The following SYF2 variants were observed in gnomAD, a reference collection of about 807,000 sequenced individuals.
SYF2 encodes the protein pre-mRNA-splicing factor SYF2.
SYF2 carries 21 observed loss-of-function variants against 32.7 expected under a neutral mutation model. The ratio of observed to expected loss-of-function variants is 0.64; its 90% confidence interval spans 0.45 to 0.92. The LOEUF (loss-of-function observed/expected upper bound fraction) is 0.92. SYF2 is among the 40% of genes least tolerant of loss of function. SYF2 has a pLI of 0.00. For missense variants in SYF2, 278 were observed against 296.5 expected (o/e 0.94, Z 0.46); for synonymous variants, 114 against 103.9 (o/e 1.10, Z -0.59).
rs746499395 is a variant in SYF2, at chr1:25,227,454, A to G, written c.455T>C (p.Leu152Pro). ...AAAAAGGACTTACTGTTTTTCTCTC[A>G]GTCTCTCATATGTTTCCATGTCAGG... ...IKPDMETYER[L>P]REKHGEEFFP... The change falls in exon 5 of 7, where the codon CTG becomes CCG. Residue 152 changes from leucine (L) to proline (P), a missense_variant. Transcript: ENST00000236273. 1.2e-6 allele frequency: 2 copies of G among 1,613,496 alleles called. No homozygotes were observed. Among genetic ancestry groups the G allele is most frequent in the Non-Finnish European group, 1.7e-6 (2 of 1,179,794 alleles).
At chr1:25,231,659 C>T (rs1638632370) in intron 2 of SYF2, 1 of 169,870 alleles carries the variant, frequency 5.9e-6, no homozygotes, top group African/African-American at 2.4e-5. Flanking sequence ...CCCCAGAAGT[C>T]CCAAAAACAG....
chr1:25,223,430 T>C lies in SYF2; in HGVS notation c.568A>G (p.Ile190Val), dbSNP rs1259148573. 6.3e-7 allele frequency: 1 copy of C among 1,598,820 alleles called. No homozygotes were observed. Among genetic ancestry groups the C allele is most frequent in the Non-Finnish European group, 8.5e-7 (1 of 1,174,796 alleles). ...CGGCTATATTTGTCTCGTTTTTCAA[T>C]CCTGGGGAAAGAAGAAAATTTACAA... ...DRMVIDLEKQ[I>V]EKRDKYSRRR... The change falls in exon 7 of 7, where the codon ATT becomes GTT. Residue 190 changes from isoleucine (I) to valine (V), a missense_variant and splice_region_variant. Transcript: ENST00000236273.
intron 5 of SYF2, among the ~76,000 whole-genome samples, chr1:25,226,761 G>C (rs61777574): frequency 2.5e-4 from 38 of 152,306 alleles, no homozygotes; most frequent in Non-Finnish European, 4.9e-4. Flanking sequence ...AAGGATGGAG[G>C]ATCACTTGAG....
Position 25,224,478 on chromosome 1 carries a change from A to G in SYF2, c.566+524T>C, listed in dbSNP as rs574583146. On this transcript the variant is annotated intron_variant, in intron 6 of 6. Coordinates refer to ENST00000236273, the MANE Select transcript of SYF2 (RefSeq NM_015484.5). The stretch of plus-strand genomic sequence containing the variant: ...TTGCCATGTTGCCCAGGCTGTTCTC[A>G]AAGTCCTGGGCTCAAGCAATCCTTC... Among the ~76,000 whole-genome samples the G allele has an allele frequency of 2.0e-5, 3 of 152,214 alleles. No individual in the cohort carries two copies. The South Asian group carries it at 6.2e-4, about 32-fold the overall frequency.
chr1:25,228,495 C>T (rs1031757144), intron 3 of SYF2, among the ~76,000 whole-genome samples: 1 of 152,064 alleles, frequency 6.6e-6, no homozygotes, highest in Admixed American at 6.6e-5. Flanking sequence ...CCACCATGCC[C>T]GGCTAATTTT....
chr1:25,226,287 C>G (rs939014770), intron 5 of SYF2, among the ~76,000 whole-genome samples: 2 of 152,236 alleles, frequency 1.3e-5, no homozygotes, highest in African/African-American at 4.8e-5. Flanking sequence ...TCAGAGGTCA[C>G]AAAGTGCTAG....
chr1:25,224,389 A>G (rs554647359), intron 6 of SYF2, among the ~76,000 whole-genome samples: 1 of 152,110 alleles, frequency 6.6e-6, no homozygotes, highest in South Asian at 2.1e-4. Flanking sequence ...CCAAGTAGCT[A>G]GGACTACAGG....
At chr1:25,231,369 G>A (rs1006143092) in intron 2 of SYF2, 35 of 152,204 alleles carry the variant, frequency 2.3e-4, no homozygotes, top group African/African-American at 7.7e-4. Flanking sequence ...CAAGCTATTT[G>A]CTGGACTCTT....
intron 2 of SYF2, 66 bp downstream of exon 2, chr1:25,232,038 C>T (rs1445792023): frequency 1.3e-6 from 2 of 1,495,040 alleles, no homozygotes; most frequent in African/African-American, 1.4e-5. Flanking sequence ...GCTTCCTCGT[C>T]CCCTCTACAA....
rs1213393478 is a variant in SYF2 at position 25,227,517 on chromosome 1, T to C, written c.392A>G (p.Gln131Arg). The C allele has an allele frequency of 6.2e-7, 1 of 1,613,684 alleles. No individual in the cohort carries two copies. Among genetic ancestry groups the C allele is most frequent in the African/African-American group, 1.3e-5 (1 of 75,018 alleles). ...GGTCAACCGATGATACTGGCGTAAC[T>C]GGGCAGCAGCATAATCTAAAAATAT... ...DLGFSDYAAA[Q>R]LRQYHRLTKQ... The change falls in exon 5 of 7, where the codon CAG (glutamine) becomes CGG (arginine). Residue 131 changes from glutamine to arginine, a missense_variant. Gln to Arg is a conservative substitution (Grantham distance 43). Transcript: ENST00000236273.
intron 1 of SYF2, 67 bp from the exon 2 acceptor site, chr1:25,232,278 T>TC: frequency 6.4e-7 from 1 of 1,553,532 alleles, no homozygotes. Flanking sequence ...CCAGGCCGAG[T>TC]CCCCGCCGGT....
In SYF2 at chr1:25,227,155, C is replaced by T. The variant is rs113914482; in HGVS notation, c.467+287G>A. On this transcript the variant is annotated intron_variant, in intron 5 of 6. Coordinates refer to ENST00000236273, the MANE Select transcript of SYF2 (RefSeq NM_015484.5). ...AAAATTAGTTGGGCGTGGTGGCGGG[C>T]GCCTGTAATCCCAGCTACTCAGGAG... Among the ~76,000 whole-genome samples the T allele has an allele frequency of 1.1e-3, 164 of 152,084 alleles. 2 individuals carry two copies. The highest frequency in any genetic ancestry group is 3.8e-3 in the African/African-American group (157 of 41,496).
intron 6 of SYF2, among the ~76,000 whole-genome samples, chr1:25,223,796 T>C (rs1230950056): frequency 2.6e-5 from 4 of 152,160 alleles, no homozygotes; most frequent in African/African-American, 9.7e-5. Flanking sequence ...GAGGATCACT[T>C]GAGCCCAGGA....
At chr1:25,226,960 AAC>A (rs1638524416) in intron 5 of SYF2, among the ~76,000 whole-genome samples, 1 of 151,872 alleles carries the variant, frequency 6.6e-6, no homozygotes, top group Non-Finnish European at 1.5e-5. Context: ...CAGCTTAAGC[AAC>A]AGAGCGAGAC....
Position 25,229,096 on chromosome 1 carries a change from C to G in SYF2, c.160G>C (p.Glu54Gln). 1 of 1,612,456 alleles carries G rather than the reference C, an allele frequency of 6.2e-7. No individual in the cohort carries two copies. The highest frequency in any genetic ancestry group is 1.7e-4 in the Middle Eastern group (1 of 6,052). ...RNEARKLNHQ[E>Q]VVEEDKRLKL... ...AGTCTTTTATCTTCTTCCACAACTT[C>G]CTGGTGATTTAATTTACGAGCTTCA... Residue 54 changes from glutamate to glutamine, a missense_variant, in exon 3 of 7, where the codon GAA becomes CAA. Glu to Gln is a conservative substitution (Grantham distance 29, BLOSUM62 2). Transcript: ENST00000236273.
Position 25,229,063 on chromosome 1 carries a change from G to A in SYF2, c.193C>T (p.Pro65Ser). ...GCTTTTTTGGCTTCCCAATTTGCAG[G>A]TAATTTTAGTCTTTTATCTTCTTCC... ...VVEEDKRLKL[P>S]ANWEAKKARL... The change falls in exon 3 of 7, where the codon CCT becomes TCT. Residue 65 changes from proline (P) to serine (S), a missense_variant. Pro to Ser is a moderately conservative substitution (Grantham distance 74). Coordinates refer to ENST00000236273, the MANE Select transcript of SYF2 (RefSeq NM_015484.5). 6.2e-7 allele frequency: 1 copy of A among 1,613,858 alleles called. No individual in the cohort carries two copies. The highest frequency in any genetic ancestry group is 8.5e-7 in the Non-Finnish European group (1 of 1,179,934).
chr1:25,231,598 T>C (rs746007574), intron 2 of SYF2: 1 of 172,716 alleles, frequency 5.8e-6, no homozygotes, highest in Non-Finnish European at 1.3e-5. Context: ...ACTACCACAC[T>C]GTAGACTTTC....
At chr1:25,227,401 A>C (rs201828752) in intron 5 of SYF2, 41 bp downstream of exon 5, 4 of 1,524,144 alleles carry the variant, frequency 2.6e-6, no homozygotes, top group East Asian at 4.5e-5. Flanking sequence ...ACACACACAC[A>C]CAAATACATC....
chr1:25,223,325 A>C lies in SYF2; in HGVS notation c.673T>G (p.Phe225Val). 3 of 1,613,934 alleles carry C rather than the reference A, an allele frequency of 1.9e-6. No individual in the cohort carries two copies. Among genetic ancestry groups the C allele is most frequent in the Non-Finnish European group, 2.5e-6 (3 of 1,179,980 alleles). The change falls in exon 7 of 7, where the codon TTC becomes GTC. Residue 225 changes from phenylalanine to valine, a missense_variant. Coordinates refer to ENST00000236273, the MANE Select transcript of SYF2 (RefSeq NM_015484.5). ...ATTTCAGCTGTGTATTTCCCATAGAATCTTTCAGCTTTCTTGTTGAATTTG... is the reference window on the plus strand; with the variant it reads ...ATTTCAGCTGTGTATTTCCCATAGACTCTTTCAGCTTTCTTGTTGAATTTG... ...NAKFNKKAERFYGKYTAEIKQ... is the reference protein window; with the variant it reads ...NAKFNKKAERVYGKYTAEIKQ...
Sources: allele counts gnomAD v4.1 joint callset (sites outside exome capture counted in the v4.1 genomes callset), GRCh38; gene constraint gnomAD v4.1.1; transcripts MANE v1.5; gene names NCBI Gene and HGNC (gene_info 2026-07-23, HGNC 2026-07-21).